The following ABCB5 variants were observed in gnomAD, a reference collection of about 807,000 sequenced individuals.
ABCB5 encodes ATP-binding cassette sub-family B member 5.
In ABCB5, 155 loss-of-function variants were observed where a neutral mutation model predicts 144.2. The ratio of observed to expected loss-of-function variants is 1.08; its 90% CI spans 0.94 to 1.23. The LOEUF (loss-of-function observed/expected upper bound fraction) is 1.23. Ranked by LOEUF, ABCB5 falls within the 50% of genes most tolerant of loss-of-function variation. The pLI, the probability that ABCB5 is intolerant of heterozygous loss-of-function variation, is 0.00. For synonymous variants in ABCB5, 610 were observed against 528.6 expected, an observed-to-expected ratio of 1.15 and a Z score of -2.11; for missense variants, 1,830 against 1,520.8, an observed-to-expected ratio of 1.20 and a Z score of -3.38.
chr7:20,734,936 T>C (rs1451501799), intron 23 of ABCB5, among the ~76,000 whole-genome samples: 1 of 152,228 alleles, frequency 6.6e-6, no homozygotes. Flanking sequence ...GTTTATTTTA[T>C]CCTATCTCTT....
intron 26 of ABCB5, among the ~76,000 whole-genome samples, chr7:20,747,907 A>T (rs1443579175): frequency 6.6e-6 from 1 of 152,218 alleles, no homozygotes; most frequent in Non-Finnish European, 1.5e-5. Context: ...GGGGAGAATA[A>T]GGCTGCCCTC....
intron 16 of ABCB5, among the ~76,000 whole-genome samples, chr7:20,688,843 A>G (rs1198160645): frequency 6.6e-6 from 1 of 152,162 alleles, no homozygotes; most frequent in African/African-American, 2.4e-5. Flanking sequence ...GCTGGAAACC[A>G]TCTTTCTCAG....
At chr7:20,721,595 C>G (rs1187073148) in intron 20 of ABCB5, among the ~76,000 whole-genome samples, 3 of 152,146 alleles carry the variant, frequency 2.0e-5, no homozygotes, top group Non-Finnish European at 4.4e-5. Flanking sequence ...GCAACTCTTG[C>G]CTCTCCAACA....
chr7:20,721,592 T>C (rs1303878783), intron 20 of ABCB5, among the ~76,000 whole-genome samples: 1 of 152,190 alleles, frequency 6.6e-6, no homozygotes, highest in Non-Finnish European at 1.5e-5. Context: ...ATAGCAACTC[T>C]TGCCTCTCCA....
intron 20 of ABCB5, among the ~76,000 whole-genome samples, chr7:20,718,881 A>G (rs1562577483): frequency 6.6e-6 from 1 of 152,130 alleles, no homozygotes; most frequent in African/African-American, 2.4e-5. Context: ...CCAGTTAGAA[A>G]TTTAACAATA....
Position 20,704,256 on chromosome 7 carries a change from T to C in ABCB5, c.2338-468T>C, listed in dbSNP as rs375774048. 5.3e-5 allele frequency among the ~76,000 whole-genome samples: 8 copies of C among 152,060 alleles called. No individual in the cohort carries two copies. The East Asian group carries it at 9.7e-4, about 18-fold the overall frequency. On this transcript the variant is annotated intron_variant, in intron 19 of 27. Transcript: ENST00000404938. ...CATGCCCAGCTAATGTTTGTGTTTTTTGTAAAGACAGAGTTTTGCCATGTT... is the reference window on the plus strand; with the variant it reads ...CATGCCCAGCTAATGTTTGTGTTTTCTGTAAAGACAGAGTTTTGCCATGTT...
intron 21 of ABCB5, 67 bp downstream of exon 21, chr7:20,723,286 G>C (rs1781933813): frequency 6.8e-7 from 1 of 1,468,622 alleles, no homozygotes; most frequent in Non-Finnish European, 9.4e-7. Context: ...TTTATGATAT[G>C]TTAACTATAT....
chr7:20,681,024 T>TC (rs1785788065), intron 14 of ABCB5, among the ~76,000 whole-genome samples: 1 of 10,272 alleles, frequency 9.7e-5, no homozygotes, highest in African/African-American at 3.3e-4. Flanking sequence ...CTTTCTTTCT[T>TC]TCTTTCTTTC....
intron 23 of ABCB5, among the ~76,000 whole-genome samples, chr7:20,733,729 C>G (rs1485135428): frequency 6.6e-6 from 1 of 151,782 alleles, no homozygotes; most frequent in Non-Finnish European, 1.5e-5. Flanking sequence ...AACTCCGCTT[C>G]CTGGATTCAA....
chr7:20,722,956 G>A, intron 20 of ABCB5, 60 bp from the exon 21 acceptor site: 1 of 1,477,430 alleles, frequency 6.8e-7, no homozygotes, highest in Non-Finnish European at 9.4e-7. Context: ...AACTATAATA[G>A]GAACTCTTGT....
chr7:20,667,529 T>C, intron 14 of ABCB5: 1 of 978,350 alleles, frequency 1.0e-6, no homozygotes, highest in Non-Finnish European at 1.2e-6. Flanking sequence ...CTCTCTTTTA[T>C]ATTTTCTAAT....
rs760878587 is a variant in ABCB5 at position 20,728,324 on chromosome 7, G to A, written c.2736G>A (p.Ser912=). ...EMLQTQHRNT[S]KKAQIIGSCY... ...ATTTTGTACATTCCAGAAATACCTC[G>A]AAGAAAGCACAGATTATTGGAAGCT... Residue 912 remains serine, a synonymous_variant, in exon 23 of 28, where the codon TCG becomes TCA. Coordinates refer to ENST00000404938, the MANE Select transcript of ABCB5 (RefSeq NM_001163941.2). 1.8e-5 allele frequency: 29 copies of A among 1,613,286 alleles called. No homozygotes were observed. Among genetic ancestry groups the A allele is most frequent in the Admixed American group, 8.3e-5 (5 of 59,934 alleles).
intron 19 of ABCB5, among the ~76,000 whole-genome samples, chr7:20,703,749 T>C (rs1786713643): frequency 6.6e-6 from 1 of 152,194 alleles, no homozygotes; most frequent in Non-Finnish European, 1.5e-5. Context: ...GAAATCAGAA[T>C]TCCTCAGGCT....
At chr7:20,720,715 A>G (rs1477090819) in intron 20 of ABCB5, among the ~76,000 whole-genome samples, 2 of 151,940 alleles carry the variant, frequency 1.3e-5, no homozygotes, top group East Asian at 1.9e-4. Context: ...GGAGGCCGAG[A>G]CGGGCGGATC....
intron 19 of ABCB5, among the ~76,000 whole-genome samples, chr7:20,702,901 C>T (rs1346993756): frequency 2.8e-5 from 4 of 142,418 alleles, no homozygotes; most frequent in African/African-American, 7.9e-5. Flanking sequence ...TGGTCTCGAT[C>T]TCCTGACCTC....
chr7:20,621,336 C>G (rs1783801844), intron 1 of ABCB5, among the ~76,000 whole-genome samples: 1 of 152,044 alleles, frequency 6.6e-6, no homozygotes. Flanking sequence ...ATTGAGTATG[C>G]ACTTAATCCC....
At chr7:20,725,697 G>A (rs1782014862) in intron 21 of ABCB5, among the ~76,000 whole-genome samples, 1 of 152,000 alleles carries the variant, frequency 6.6e-6, no homozygotes, top group African/African-American at 2.4e-5. Flanking sequence ...TTTTTTTAAT[G>A]TTCATTCCTT....
chr7:20,728,243 T>C, intron 22 of ABCB5, 72 bp from the exon 23 acceptor site: 5 of 1,485,728 alleles, frequency 3.4e-6, no homozygotes, highest in Non-Finnish European at 4.5e-6. Context: ...TCTCTATTTA[T>C]TACTCTACAT....
intron 26 of ABCB5, among the ~76,000 whole-genome samples, chr7:20,746,839 G>A (rs1335165473): frequency 2.6e-5 from 4 of 152,138 alleles, no homozygotes; most frequent in South Asian, 2.1e-4. Context: ...ATGTAGGGGC[G>A]AATTTCTACA....
Sources: gnomAD v4.1 joint callset for allele counts (sites outside exome capture counted in the v4.1 genomes callset) on GRCh38, gnomAD v4.1.1 for gene constraint, MANE v1.5 for transcripts, NCBI Gene and HGNC (gene_info 2026-07-23, HGNC 2026-07-21) for gene names.